CTNNA3: variants seen among roughly 807,000 people sequenced by gnomAD.
CTNNA3 encodes the protein catenin alpha 3.
A neutral mutation model predicts 95.7 loss-of-function variants in CTNNA3; 76 were observed. That is an observed-to-expected ratio of 0.79 (90% CI 0.66 to 0.96). The LOEUF is 0.96. Ranked by LOEUF, CTNNA3 falls within the 40% of genes least tolerant of loss-of-function variation. The probability of loss-of-function intolerance (pLI) is 0.00; values close to 1 mark genes in which losing one functional copy is unlikely to be tolerated. For synonymous variants in CTNNA3, 431 were observed against 374.4 expected, an observed-to-expected ratio of 1.15 and a Z score of -1.74; for missense variants, 1,191 against 1,089.8, an observed-to-expected ratio of 1.09 and a Z score of -1.31.
At chr10:66,865,221 T>C (rs993073361) in intron 7 of CTNNA3, among the ~76,000 whole-genome samples, 7 of 151,636 alleles carry the variant, frequency 4.6e-5, no homozygotes, top group African/African-American at 1.7e-4. Context: ...TGCGTGTGTG[T>C]GTGTGTGTGT....
intron 5 of CTNNA3, among the ~76,000 whole-genome samples, chr10:67,344,178 G>T (rs1842327321): frequency 6.6e-6 from 1 of 151,718 alleles, no homozygotes; most frequent in South Asian, 2.1e-4. Flanking sequence ...TGCATCCCAG[G>T]GATAAAATCC....
chr10:66,130,869 A>G (rs547108440), intron 13 of CTNNA3, among the ~76,000 whole-genome samples: 142 of 151,566 alleles, frequency 9.4e-4, no homozygotes, highest in Non-Finnish European at 5.3e-4. Context: ...ACAAACAAAA[A>G]AAAAAAAAAA....
At chr10:67,361,656 C>T (rs1172299775) in intron 5 of CTNNA3, among the ~76,000 whole-genome samples, 7 of 152,020 alleles carry the variant, frequency 4.6e-5, no homozygotes, top group Non-Finnish European at 1.0e-4. Flanking sequence ...TGCAATATGC[C>T]TACATCAAAA....
intron 5 of CTNNA3, among the ~76,000 whole-genome samples, chr10:67,470,982 A>G (rs1847799308): frequency 6.6e-6 from 1 of 151,488 alleles, no homozygotes; most frequent in South Asian, 2.1e-4. Context: ...TTATTTATTT[A>G]TTTTTGTATT....
intron 7 of CTNNA3, among the ~76,000 whole-genome samples, chr10:67,060,580 T>C (rs889602117): frequency 6.6e-6 from 1 of 152,210 alleles, no homozygotes; most frequent in Non-Finnish European, 1.5e-5. Flanking sequence ...TGGGCACTAG[T>C]GGAAAGGATT....
chr10:67,064,648 T>C (rs1036643632), intron 7 of CTNNA3, among the ~76,000 whole-genome samples: 10 of 152,116 alleles, frequency 6.6e-5, no homozygotes, highest in Admixed American at 5.2e-4. Context: ...AAAGAAAAAA[T>C]ATTTTTTAAG....
At chr10:66,384,903 G>C (rs547312107) in intron 11 of CTNNA3, among the ~76,000 whole-genome samples, 13 of 152,130 alleles carry the variant, frequency 8.5e-5, no homozygotes, top group Admixed American at 1.3e-4. Context: ...TGAGAACAAA[G>C]ACACAACATA....
chr10:66,129,551 C>T (rs998521569), intron 13 of CTNNA3, among the ~76,000 whole-genome samples: 13 of 152,120 alleles, frequency 8.5e-5, no homozygotes, highest in Admixed American at 7.9e-4. Context: ...AACTGTTGAA[C>T]GTGAACTCTG....
chr10:67,267,213 A>C (rs1024729776), intron 5 of CTNNA3, among the ~76,000 whole-genome samples: 1 of 152,244 alleles, frequency 6.6e-6, no homozygotes, highest in African/African-American at 2.4e-5. Context: ...GCCATTTTAC[A>C]CTATGTGATT....
intron 11 of CTNNA3, among the ~76,000 whole-genome samples, chr10:66,422,365 AT>A (rs897616788): frequency 4.6e-5 from 7 of 152,024 alleles, no homozygotes; most frequent in African/African-American, 1.4e-4. Context: ...ATCACTTAAT[AT>A]TTTTTTCTAT....
At chr10:67,412,539 C>G (rs184105626) in intron 5 of CTNNA3, among the ~76,000 whole-genome samples, 1 of 152,034 alleles carries the variant, frequency 6.6e-6, no homozygotes, top group East Asian at 1.9e-4. Context: ...ATGACCCTAC[C>G]CGAGGCACAT....
intron 11 of CTNNA3, among the ~76,000 whole-genome samples, chr10:66,516,705 C>T (rs1166108388): frequency 2.0e-5 from 3 of 152,140 alleles, no homozygotes; most frequent in African/African-American, 4.8e-5. Flanking sequence ...TTTTCTTTTG[C>T]CGGTAATTGG....
intron 7 of CTNNA3, among the ~76,000 whole-genome samples, chr10:67,171,991 CCTTT>C (rs1358942617): frequency 6.6e-6 from 1 of 152,124 alleles, no homozygotes; most frequent in African/African-American, 2.4e-5. Flanking sequence ...TCATATCCTT[CCTTT>C]CTTTCTTCCC....
chr10:67,726,493 C>T (rs1243405115), intron 1 of CTNNA3, among the ~76,000 whole-genome samples: 17 of 44,326 alleles, frequency 3.8e-4, no homozygotes, highest in African/African-American at 7.4e-4. Context: ...ATATCATATA[C>T]AATATATAAT....
chr10:66,715,273 A>C (rs1376383820), intron 9 of CTNNA3, among the ~76,000 whole-genome samples: 1 of 152,142 alleles, frequency 6.6e-6, no homozygotes, highest in Admixed American at 6.6e-5. Context: ...GAGGCATAGG[A>C]AAAAATATAA....
chr10:66,050,338 TAA>T (rs11382507), intron 15 of CTNNA3, among the ~76,000 whole-genome samples: 9 of 148,476 alleles, frequency 6.1e-5, no homozygotes, highest in African/African-American at 2.0e-4. Flanking sequence ...CACATTTCAG[TAA>T]AAAAAAAAAT....
At chr10:67,652,258 T>C (rs993447304) in intron 1 of CTNNA3, among the ~76,000 whole-genome samples, 3 of 152,082 alleles carry the variant, frequency 2.0e-5, no homozygotes, top group African/African-American at 7.2e-5. Flanking sequence ...ACCCTGGGAG[T>C]TAGGATTTCA....
At chr10:67,429,250 C>T (rs1846027213) in intron 5 of CTNNA3, among the ~76,000 whole-genome samples, 1 of 152,006 alleles carries the variant, frequency 6.6e-6, no homozygotes. Flanking sequence ...CAAATGCTTT[C>T]ATTAAAATAG....
chr10:67,708,532 C>G (rs1175343090), intron 1 of CTNNA3, among the ~76,000 whole-genome samples: 1 of 152,102 alleles, frequency 6.6e-6, no homozygotes, highest in Non-Finnish European at 1.5e-5. Context: ...ATTATTTGAA[C>G]AGGGCTTTAT....
Sources: allele counts gnomAD v4.1 joint callset (sites outside exome capture counted in the v4.1 genomes callset), GRCh38; gene constraint gnomAD v4.1.1; transcripts MANE v1.5; gene names NCBI Gene and HGNC (gene_info 2026-07-23, HGNC 2026-07-21).